NR3C1: variants seen among roughly 807,000 people sequenced by gnomAD.
The protein encoded by NR3C1 is nuclear receptor subfamily 3 group C member 1.
A neutral mutation model predicts 74.0 loss-of-function variants in NR3C1; 14 were observed. The ratio of observed to expected loss-of-function variants is 0.19; its 90% CI spans 0.12 to 0.30. NR3C1 has a LOEUF of 0.30. Ranked by LOEUF, NR3C1 falls within the 10% of genes least tolerant of loss-of-function variation. NR3C1 has a pLI of 1.00. For missense variants in NR3C1, 695 were observed against 909.8 expected, an observed-to-expected ratio of 0.76 and a Z score of 3.04; for synonymous variants, 308 against 332.5, an observed-to-expected ratio of 0.93 and a Z score of 0.80.
chr5:143,341,426 C>A (rs891951500), intron 2 of NR3C1, among the ~76,000 whole-genome samples: 1 of 152,076 alleles, frequency 6.6e-6, no homozygotes, highest in Non-Finnish European at 1.5e-5. Context: ...GAGCTGAAAA[C>A]AAAAGTCAGT....
rs1473228042 is a variant in NR3C1 at position 143,334,582 on chromosome 5, A to C, written c.1185-20414T>G. On this transcript the variant is annotated intron_variant, in intron 2 of 8. Coordinates refer to ENST00000394464, the MANE Select transcript of NR3C1 (RefSeq NM_000176.3). ...AATGAGTCACTCTAGCATTTGTAGA[A>C]GGCTCCCTGAGACTCCTACAGCAGT... Among the ~76,000 whole-genome samples, 5 of 152,140 alleles carry C rather than the reference A, an allele frequency of 3.3e-5. No homozygotes were observed. The South Asian group carries it at 6.2e-4, about 19-fold the overall frequency.
rs1252257743 is a variant in NR3C1 at position 143,310,137 on chromosome 5, G to A, written c.1428C>T (p.Cys476=). The change falls in exon 4 of 9, where the codon TGC becomes TGT. Residue 476 remains cysteine (C), a synonymous_variant. Transcript: ENST00000394464. ...CAGCCTGAAGACATTTTCGATAGCG[G>A]CATGCTGGGCAGTTTTTTCTTCGAA... ...DKIRRKNCPA[C]RYRKCLQAGM... 9 of 1,613,910 alleles carry A rather than the reference G, an allele frequency of 5.6e-6. No homozygotes were observed. Among genetic ancestry groups the A allele is most frequent in the East Asian group, 2.2e-5 (1 of 44,870 alleles).
Position 143,387,560 on chromosome 5 carries a change from C to T in NR3C1, c.1184+12096G>A, listed in dbSNP as rs557428905. On this transcript the variant is annotated intron_variant, in intron 2 of 8. Coordinates refer to ENST00000394464, the MANE Select transcript of NR3C1 (RefSeq NM_000176.3). ...GCTCTCTTTGGTTGCCTTCTAGAGC[C>T]CTGTCCTTGTCCCTCCCCTCTTTTT... Among the ~76,000 whole-genome samples the T allele has an allele frequency of 1.2e-4, 18 of 152,212 alleles. No individual in the cohort carries two copies. In the East Asian group the frequency reaches 3.3e-3, roughly 28 times the overall value.
intron 2 of NR3C1, among the ~76,000 whole-genome samples, chr5:143,360,602 C>G (rs1832045924): frequency 6.6e-6 from 1 of 152,180 alleles, no homozygotes; most frequent in Non-Finnish European, 1.5e-5. Flanking sequence ...TTTTCTATTG[C>G]TACATCAAGG....
chr5:143,281,289 A>C lies in NR3C1; in HGVS notation c.*600T>G, dbSNP rs1813050158. 6.5e-6 allele frequency: 1 copy of C among 153,312 alleles called. No homozygotes were observed. Among genetic ancestry groups the C allele is most frequent in the African/African-American group, 2.4e-5 (1 of 41,440 alleles). The allele number at this position is 153,312 out of a possible 1,614,324, so 9.5% of individuals were successfully genotyped here. On this transcript the variant is annotated 3_prime_UTR_variant, in exon 9 of 9. Coordinates refer to ENST00000394464, the MANE Select transcript of NR3C1 (RefSeq NM_000176.3). ...TACGAACTAGCTGCCCATCTTAAAC[A>C]GCTGTACAATAACTTGAATAAAAAA...
chr5:143,329,793 T>C (rs1177990134), intron 2 of NR3C1, among the ~76,000 whole-genome samples: 2 of 152,202 alleles, frequency 1.3e-5, no homozygotes, highest in Non-Finnish European at 2.9e-5. Context: ...ATTCTCCAGA[T>C]ACAGATAAAA....
chr5:143,310,331 G>A (rs779363887), intron 3 of NR3C1, 118 bp from the exon 4 acceptor site: 11 of 753,622 alleles, frequency 1.5e-5, no homozygotes, highest in Non-Finnish European at 2.3e-5. Flanking sequence ...GTATTGCCTT[G>A]AGGGAATGTT....
At chr5:143,338,037 G>A (rs1190593142) in intron 2 of NR3C1, among the ~76,000 whole-genome samples, 2 of 152,076 alleles carry the variant, frequency 1.3e-5, no homozygotes, top group African/African-American at 4.8e-5. Context: ...TTGTATGTAT[G>A]GTCATGCACG....
At chr5:143,283,833 T>C (rs1813677405) in intron 7 of NR3C1, among the ~76,000 whole-genome samples, 1 of 152,208 alleles carries the variant, frequency 6.6e-6, no homozygotes, top group East Asian at 1.9e-4. Context: ...CTGGGAACAC[T>C]GATTCTGTGT....
chr5:143,433,377 T>A (rs1751929566), intron 1 of NR3C1, among the ~76,000 whole-genome samples: 2 of 45,080 alleles, frequency 4.4e-5, no homozygotes, highest in Non-Finnish European at 1.2e-4. Flanking sequence ...TAGTAGCTGA[T>A]GGAAACAGCA....
intron 2 of NR3C1, among the ~76,000 whole-genome samples, chr5:143,383,869 A>C (rs1365967370): frequency 6.6e-6 from 1 of 152,234 alleles, no homozygotes. Context: ...TAATTTGGAA[A>C]TATCTGTTAA....
At position 143,395,535 on chromosome 5, in the gene NR3C1, T is replaced by G. The variant is rs10065326; in HGVS notation, c.1184+4121A>C. On this transcript the variant is annotated intron_variant, in intron 2 of 8. Transcript: ENST00000394464. ...TATTGCATTACACAATTACTCTTGA[T>G]GAAAATATTACCAGGATGTCCTCAG... 4.4e-3 allele frequency among the ~76,000 whole-genome samples: 665 copies of G among 151,992 alleles called. 2 individuals are homozygous for G. Among genetic ancestry groups the G allele is most frequent in the African/African-American group, 0.015 (633 of 41,536 alleles).
At chr5:143,303,170 A>T (rs1372933926) in intron 4 of NR3C1, among the ~76,000 whole-genome samples, 2 of 149,988 alleles carry the variant, frequency 1.3e-5, no homozygotes, top group Admixed American at 1.3e-4. Flanking sequence ...CACACAAAGT[A>T]GACAATCTAG....
intron 2 of NR3C1, among the ~76,000 whole-genome samples, chr5:143,365,440 A>T (rs1463658604): frequency 1.3e-5 from 2 of 152,246 alleles, no homozygotes; most frequent in African/African-American, 4.8e-5. Context: ...GGCACTGTAT[A>T]ATGATAAAAG....
At chr5:143,409,769 C>T (rs958036408) in intron 1 of NR3C1, among the ~76,000 whole-genome samples, 3 of 152,202 alleles carry the variant, frequency 2.0e-5, no homozygotes, top group African/African-American at 2.4e-5. Context: ...ATGAACTCCA[C>T]TTTGGTATTC....
At chr5:143,286,158 T>C (rs987179863) in intron 7 of NR3C1, among the ~76,000 whole-genome samples, 5 of 152,090 alleles carry the variant, frequency 3.3e-5, no homozygotes, top group African/African-American at 1.2e-4. Context: ...CCAACAAAGC[T>C]CACTCAAGAA....
intron 1 of NR3C1, chr5:143,402,508 G>A (rs1600632688): frequency 2.5e-6 from 2 of 796,810 alleles, no homozygotes; most frequent in Non-Finnish European, 3.0e-6. Flanking sequence ...AACCTCAGGC[G>A]CGAATTAACA....
intron 2 of NR3C1, among the ~76,000 whole-genome samples, chr5:143,360,047 A>G (rs927529969): frequency 6.6e-6 from 1 of 152,270 alleles, no homozygotes; most frequent in African/African-American, 2.4e-5. Context: ...ATGCATGTGC[A>G]AATGTGTACA....
In NR3C1 at chr5:143,374,342, A is replaced by C. The variant is rs148950817; in HGVS notation, c.1184+25314T>G. Among the ~76,000 whole-genome samples the C allele has an allele frequency of 1.0e-3, 156 of 152,252 alleles. 3 individuals carry two copies. The East Asian group carries it at 0.022, about 22-fold the overall frequency. On this transcript the variant is annotated intron_variant, in intron 2 of 8. Transcript: ENST00000394464. ...CCCGACTCTACTAAAAATACAAAAA[A>C]TTAGCCGGGCGCGGTGGCAGGCCCT...
Sources: allele counts gnomAD v4.1 joint callset (sites outside exome capture counted in the v4.1 genomes callset), GRCh38; gene constraint gnomAD v4.1.1; transcripts MANE v1.5; gene names NCBI Gene and HGNC (gene_info 2026-07-23, HGNC 2026-07-21).